The following PDK1 variants were observed in gnomAD, a reference collection of about 807,000 sequenced individuals.
PDK1 encodes [Pyruvate dehydrogenase (acetyl-transferring)] kinase isozyme 1, mitochondrial.
Under a neutral mutation model 54.2 loss-of-function variants are expected in PDK1, and 39 were observed. The observed-to-expected ratio is 0.72, with a 90% CI of 0.56 to 0.94. PDK1 has a LOEUF of 0.94. Among genes scored for constraint, PDK1 ranks in the 40% least tolerant of loss-of-function variants. PDK1 has a pLI of 0.00. For missense variants in PDK1, 552 were observed against 566.0 expected, an observed-to-expected ratio of 0.98 and a Z score of 0.25; for synonymous variants, 221 against 207.1, an observed-to-expected ratio of 1.07 and a Z score of -0.58.
the PDK1 span, among the ~76,000 whole-genome samples, chr2:172,654,477 A>G: frequency 3.3e-5 from 5 of 152,182 alleles, no homozygotes; most frequent in South Asian, 6.2e-4. Flanking sequence ...GGATGAAGCT[A>G]GAAACCATCA....
chr2:172,673,537 C>T, the PDK1 span, among the ~76,000 whole-genome samples: 1 of 152,280 alleles, frequency 6.6e-6, no homozygotes, highest in Admixed American at 6.5e-5. Context: ...CCTCCCTGAG[C>T]ATCACGTGAT....
At chr2:172,616,955 TTTTA>T in the PDK1 span, among the ~76,000 whole-genome samples, 29 of 151,840 alleles carry the variant, frequency 1.9e-4, no homozygotes, top group African/African-American at 7.0e-4. Flanking sequence ...GGTTATTTTA[TTTTA>T]TTTATTTTTG....
the PDK1 span, among the ~76,000 whole-genome samples, chr2:172,624,545 A>G: frequency 6.6e-6 from 1 of 151,976 alleles, no homozygotes; most frequent in Non-Finnish European, 1.5e-5. Flanking sequence ...CCATGGAAAA[A>G]TTGTCTTCCA....
chr2:172,618,267 C>A, the PDK1 span, among the ~76,000 whole-genome samples: 1 of 152,126 alleles, frequency 6.6e-6, no homozygotes, highest in African/African-American at 2.4e-5. Context: ...AGATATAAAA[C>A]ATTCAAGTGT....
At position 172,564,989 on chromosome 2, in the gene PDK1, G is replaced by T. The variant is rs754027344; in HGVS notation, c.607G>T (p.Gly203Cys). Residue 203 changes from glycine (G) to cysteine (C), a missense_variant, in exon 5 of 11, where the codon GGT becomes TGT. Gly to Cys is a radical substitution (Grantham distance 159). Coordinates refer to ENST00000282077, the MANE Select transcript of PDK1 (RefSeq NM_002610.5). ...MLLNQHSLLF[G>C]GKGKGSPSHR... Reference sequence around the variant, plus strand: ...TCCTTTTTGGATAGCTTTATTGTTTGGTGGAAAAGGCAAAGGAAGTCCATC... The same window carrying T: ...TCCTTTTTGGATAGCTTTATTGTTTTGTGGAAAAGGCAAAGGAAGTCCATC... The T allele has an allele frequency of 1.2e-6, 2 of 1,610,630 alleles. No individual in the cohort carries two copies. Among genetic ancestry groups the T allele is most frequent in the Middle Eastern group, 1.7e-4 (1 of 6,052 alleles).
At chr2:172,688,279 G>T in the PDK1 span, among the ~76,000 whole-genome samples, 1 of 151,704 alleles carries the variant, frequency 6.6e-6, no homozygotes, top group African/African-American at 2.4e-5. Flanking sequence ...GATATGTATG[G>T]ATGGATGTGT....
the PDK1 span, among the ~76,000 whole-genome samples, chr2:172,627,086 G>T: frequency 2.0e-5 from 3 of 152,146 alleles, no homozygotes; most frequent in African/African-American, 7.2e-5. Context: ...TTTGTCCCAG[G>T]CCCAGCAACA....
chr2:172,668,936 GAGAA>G, the PDK1 span, among the ~76,000 whole-genome samples: 176 of 128,362 alleles, frequency 1.4e-3, 1 homozygote, highest in East Asian at 8.2e-3. Flanking sequence ...GAGAGAGAGA[GAGAA>G]AGAGAGAGAG....
chr2:172,656,404 G>A, the PDK1 span, among the ~76,000 whole-genome samples: 2 of 152,230 alleles, frequency 1.3e-5, no homozygotes, highest in Admixed American at 6.5e-5. Flanking sequence ...TGGTGAGCCC[G>A]TGTCCCTGGG....
At chr2:172,622,394 CATATATT>C in the PDK1 span, among the ~76,000 whole-genome samples, 4 of 137,750 alleles carry the variant, frequency 2.9e-5, no homozygotes, top group Non-Finnish European at 3.1e-5. Context: ...ATGTTTATAT[CATATATT>C]ATGTGAGATA....
rs1690980465 is a variant in PDK1 at position 172,598,075 on chromosome 2, A to T, written c.*2106A>T. The T allele has an allele frequency of 6.6e-6, 1 of 152,214 alleles. No individual in the cohort carries two copies. The highest frequency in any genetic ancestry group is 2.1e-4 in the South Asian group (1 of 4,832). The allele number at this position is 152,214 out of a possible 1,614,324, so 9.4% of individuals were successfully genotyped here. ...ATTCCTTAATTATGGATTTTGTGAAAAACAATAGAACATGTTAATGAGTAA... is the reference window on the plus strand; with the variant it reads ...ATTCCTTAATTATGGATTTTGTGAATAACAATAGAACATGTTAATGAGTAA... On this transcript the variant is annotated 3_prime_UTR_variant, in exon 11 of 11. Transcript: ENST00000282077.
intron 10 of PDK1, 30 bp from the exon 11 acceptor site, chr2:172,595,799 C>T: frequency 6.3e-7 from 1 of 1,592,192 alleles, no homozygotes; most frequent in Non-Finnish European, 8.6e-7. Flanking sequence ...AAATGCCAGA[C>T]TTAATAGGTC....
intron 8 of PDK1, among the ~76,000 whole-genome samples, chr2:172,577,756 TATAAC>T (rs1574496957): frequency 6.6e-6 from 1 of 152,226 alleles, no homozygotes; most frequent in African/African-American, 2.4e-5. Context: ...GTTATTGTCA[TATAAC>T]ATACATTTTT....
the PDK1 span, among the ~76,000 whole-genome samples, chr2:172,645,781 C>A: frequency 1.3e-5 from 2 of 152,170 alleles, no homozygotes; most frequent in Admixed American, 6.5e-5. Context: ...CTCTTTTATT[C>A]ATCTTTATTT....
intron 6 of PDK1, among the ~76,000 whole-genome samples, chr2:172,567,506 G>C (rs1039890966): frequency 6.6e-6 from 1 of 152,188 alleles, no homozygotes; most frequent in African/African-American, 2.4e-5. Flanking sequence ...CATTTCCTAA[G>C]ATGACACTTT....
intron 8 of PDK1, among the ~76,000 whole-genome samples, chr2:172,583,389 A>G (rs1032097892): frequency 1.4e-5 from 2 of 138,622 alleles, no homozygotes; most frequent in African/African-American, 5.4e-5. Flanking sequence ...CTCCTCCTGG[A>G]TTCAAGAGAT....
At chr2:172,641,047 CTCTT>C in the PDK1 span, among the ~76,000 whole-genome samples, 2,684 of 145,336 alleles carry the variant, frequency 0.018, 85 homozygotes, top group African/African-American at 0.064. Context: ...TTCTGTCTCT[CTCTT>C]TCTTTCTTTC....
downstream of PDK1, among the ~76,000 whole-genome samples, chr2:172,612,142 C>A (rs1346166562): frequency 3.9e-5 from 6 of 152,220 alleles, no homozygotes; most frequent in Admixed American, 3.9e-4. Flanking sequence ...ATGGTACGCA[C>A]TTTATTGGCC....
the PDK1 span, among the ~76,000 whole-genome samples, chr2:172,695,459 C>A: frequency 6.6e-6 from 1 of 152,160 alleles, no homozygotes; most frequent in African/African-American, 2.4e-5. Context: ...GAAAAAGAAA[C>A]TCAAGCAGGC....
Sources: allele counts gnomAD v4.1 joint callset (sites outside exome capture counted in the v4.1 genomes callset), GRCh38; gene constraint gnomAD v4.1.1; transcripts MANE v1.5; gene names NCBI Gene and HGNC (gene_info 2026-07-23, HGNC 2026-07-21).